Variants in LRRC8C observed in about 807,000 individuals in gnomAD.
LRRC8C encodes volume-regulated anion channel subunit LRRC8C.
LRRC8C carries 20 observed loss-of-function variants against 55.3 expected under a neutral mutation model. That is an observed-to-expected ratio of 0.36 (90% CI 0.25 to 0.53). The LOEUF (loss-of-function observed/expected upper bound fraction) is 0.53, where lower values mean the gene tolerates loss of function less well. LRRC8C is among the 20% of genes least tolerant of loss of function. The probability of loss-of-function intolerance (pLI) is 0.92; values close to 1 mark genes in which losing one functional copy is unlikely to be tolerated. For missense variants in LRRC8C, 659 were observed against 951.4 expected (o/e 0.69, Z 4.04); for synonymous variants, 376 against 360.7 (o/e 1.04, Z -0.48).
At chr1:89,620,444 A>T in the LRRC8C span, among the ~76,000 whole-genome samples, 1 of 152,182 alleles carries the variant, frequency 6.6e-6, no homozygotes, top group Admixed American at 6.5e-5. Context: ...AGTGATAAGG[A>T]CAAAAAGGAA....
intron 1 of LRRC8C, among the ~76,000 whole-genome samples, chr1:89,653,353 T>A (rs1026055479): frequency 6.6e-6 from 1 of 151,964 alleles, no homozygotes; most frequent in African/African-American, 2.4e-5. Flanking sequence ...AAGATGTCAG[T>A]GTTTAAGTTT....
At chr1:89,618,835 C>A in the LRRC8C span, among the ~76,000 whole-genome samples, 1 of 152,190 alleles carries the variant, frequency 6.6e-6, no homozygotes, top group African/African-American at 2.4e-5. Flanking sequence ...AACTTCAGGA[C>A]CTGTGTCTTA....
intron 1 of LRRC8C, among the ~76,000 whole-genome samples, chr1:89,641,967 A>T (rs187572685): frequency 6.6e-6 from 1 of 152,354 alleles, no homozygotes; most frequent in East Asian, 1.9e-4. Flanking sequence ...TCGCTGCCAT[A>T]TGATATTGCA....
intron 2 of LRRC8C, among the ~76,000 whole-genome samples, chr1:89,689,156 G>T (rs191663522): frequency 3.5e-4 from 54 of 152,332 alleles, no homozygotes; most frequent in Admixed American, 1.2e-3. Context: ...GGTGCCAAAT[G>T]AAGTTTATGA....
intron 2 of LRRC8C, among the ~76,000 whole-genome samples, chr1:89,701,696 A>T (rs1020251412): frequency 5.3e-5 from 8 of 152,160 alleles, no homozygotes; most frequent in Non-Finnish European, 1.2e-4. Context: ...TTGTATTATG[A>T]TACACACATC....
upstream of LRRC8C, among the ~76,000 whole-genome samples, chr1:89,630,673 T>G (rs1397526917): frequency 2.0e-5 from 3 of 152,222 alleles, no homozygotes; most frequent in Non-Finnish European, 4.4e-5. Flanking sequence ...TTTGTGTGTA[T>G]GCATGATTCC....
chr1:89,620,579 C>A, the LRRC8C span, among the ~76,000 whole-genome samples: 28 of 137,000 alleles, frequency 2.0e-4, no homozygotes, highest in Non-Finnish European at 3.5e-4. Context: ...GATGATTTTT[C>A]AAAAAAAAAA....
chr1:89,657,296 T>C (rs565014763), intron 1 of LRRC8C, among the ~76,000 whole-genome samples: 6 of 152,236 alleles, frequency 3.9e-5, no homozygotes, highest in Non-Finnish European at 8.8e-5. Context: ...TGTAATCAGT[T>C]CATAGGAAGA....
chr1:89,715,802 C>T lies in LRRC8C; in HGVS notation c.*820C>T, dbSNP rs897142852. 1.3e-5 allele frequency: 2 copies of T among 152,024 alleles called. No individual in the cohort carries two copies. Among genetic ancestry groups the T allele is most frequent in the African/African-American group, 4.8e-5 (2 of 41,374 alleles). 9.4% of individuals were successfully genotyped at this position (152,024 alleles called of 1,614,324 possible). A position where few individuals can be genotyped will look rare whatever the true frequency, so the allele number is the denominator to read the frequency against. On this transcript the variant is annotated 3_prime_UTR_variant, in exon 3 of 3. Coordinates refer to ENST00000370454, the MANE Select transcript of LRRC8C (RefSeq NM_032270.5). The stretch of plus-strand genomic sequence containing the variant: ...TAATTAAATTTTAAAATGATAGAAG[C>T]CTGGTTTTTGAGTAATTTAATCATC...
intron 1 of LRRC8C, among the ~76,000 whole-genome samples, chr1:89,656,917 T>C (rs1348873008): frequency 6.6e-6 from 1 of 152,160 alleles, no homozygotes; most frequent in East Asian, 1.9e-4. Context: ...TAGTTGACAA[T>C]TTTCACATTT....
At chr1:89,690,769 A>T (rs982690726) in intron 2 of LRRC8C, among the ~76,000 whole-genome samples, 1 of 152,150 alleles carries the variant, frequency 6.6e-6, no homozygotes, top group Non-Finnish European at 1.5e-5. Flanking sequence ...GTCTCTCTAC[A>T]GTCCAGAAGG....
Position 89,686,454 on chromosome 1 carries a change from A to T in LRRC8C, c.-4-16A>T. ...TGGAAGATAAATTGATTTACAAGTA[A>T]TCTCTCCTTTCTCAGAAACATGATT... On this transcript the variant is annotated splice_polypyrimidine_tract_variant and intron_variant, in intron 1 of 2. Transcript: ENST00000370454. 6.2e-7 allele frequency: 1 copy of T among 1,613,762 alleles called. No homozygotes were observed.
At chr1:89,621,913 C>A in the LRRC8C span, among the ~76,000 whole-genome samples, 2 of 152,080 alleles carry the variant, frequency 1.3e-5, no homozygotes, top group African/African-American at 4.8e-5. Flanking sequence ...ATGGGCTATA[C>A]GGTATCTTTT....
rs1658838914 is a variant in LRRC8C, at chr1:89,716,945, A to G, written c.*1963A>G. 6.6e-6 allele frequency: 1 copy of G among 152,164 alleles called. No homozygotes were observed. Among genetic ancestry groups the G allele is most frequent in the Non-Finnish European group, 1.5e-5 (1 of 68,020 alleles). The allele number at this position is 152,164 out of a possible 1,614,324, so 9.4% of individuals were successfully genotyped here. On this transcript the variant is annotated 3_prime_UTR_variant, in exon 3 of 3. Coordinates refer to ENST00000370454, the MANE Select transcript of LRRC8C (RefSeq NM_032270.5). ...TCGATTTGTTTAATAATCTAATTAT[A>G]CAGACCAAAGTGCTTTACGTTTCTG...
At chr1:89,674,418 A>G (rs753551706) in intron 1 of LRRC8C, among the ~76,000 whole-genome samples, 63 of 152,360 alleles carry the variant, frequency 4.1e-4, no homozygotes, top group Admixed American at 2.3e-3. Context: ...GAGGGAACTC[A>G]TAAAATGTCT....
the LRRC8C span, among the ~76,000 whole-genome samples, chr1:89,619,794 GT>G: frequency 1.3e-5 from 2 of 152,106 alleles, no homozygotes; most frequent in South Asian, 4.1e-4. Flanking sequence ...CTTACAATAT[GT>G]CAGGCTCTGT....
At position 89,714,757 on chromosome 1, in the gene LRRC8C, G is replaced by A. The variant is rs1273233869; in HGVS notation, c.2187G>A (p.Lys729=). Residue 729 remains lysine, a synonymous_variant, in exon 3 of 3, where the codon AAG becomes AAA. Transcript: ENST00000370454. This position sits in a 1 kb window ranked among gnomAD's most constrained non-coding sequence, Gnocchi z 4.6. ...TTCCAGATGAACTCTACTTCTGCAAGAAACTTAAAACTCTGAAGATTGGAA... is the reference window on the plus strand; with the variant it reads ...TTCCAGATGAACTCTACTTCTGCAAAAAACTTAAAACTCTGAAGATTGGAA... ...ESLPDELYFC[K]KLKTLKIGKN... is the part of the protein sequence containing the mutation. The A allele has an allele frequency of 3.3e-5, 53 of 1,613,684 alleles. No individual in the cohort carries two copies. Among genetic ancestry groups the A allele is most frequent in the Non-Finnish European group, 4.4e-5 (52 of 1,179,918 alleles).
At chr1:89,615,959 G>C in the LRRC8C span, among the ~76,000 whole-genome samples, 2 of 152,134 alleles carry the variant, frequency 1.3e-5, no homozygotes, top group Non-Finnish European at 2.9e-5. Flanking sequence ...TCAGCTGAAG[G>C]TGTTTGCTAG....
chr1:89,641,634 C>T (rs1318801853), intron 1 of LRRC8C, among the ~76,000 whole-genome samples: 2 of 152,142 alleles, frequency 1.3e-5, no homozygotes, highest in Non-Finnish European at 2.9e-5. Flanking sequence ...CATCTCATTA[C>T]ATTTTTGCAT....
Sources: allele counts gnomAD v4.1 joint callset (sites outside exome capture counted in the v4.1 genomes callset), GRCh38; gene constraint gnomAD v4.1.1; non-coding constraint Gnocchi (gnomAD v3.1); transcripts MANE v1.5; gene names NCBI Gene and HGNC (gene_info 2026-07-23, HGNC 2026-07-21).